CFI: variants seen among roughly 807,000 people sequenced by gnomAD.
The protein encoded by CFI is C3B/C4B inactivator.
In CFI, 66 loss-of-function variants were observed where a neutral mutation model predicts 78.8. The ratio of observed to expected loss-of-function variants is 0.84; its 90% CI spans 0.69 to 1.03. The LOEUF is 1.03. Among genes scored for constraint, CFI ranks in the 50% least tolerant of loss-of-function variants. The probability of loss-of-function intolerance (pLI) is 0.00; values close to 1 mark genes in which losing one functional copy is unlikely to be tolerated. For missense variants in CFI, 706 were observed against 704.5 expected (o/e 1.00, Z -0.02); for synonymous variants, 250 against 232.6 (o/e 1.07, Z -0.68).
At chr4:109,787,695 G>A (rs1216424806) in intron 1 of CFI, among the ~76,000 whole-genome samples, 1 of 151,824 alleles carries the variant, frequency 6.6e-6, no homozygotes, top group Non-Finnish European at 1.5e-5. Context: ...GGTCAGGTAG[G>A]ATGGCTTCTT....
At chr4:109,766,387 G>A (rs1197572719) in intron 2 of CFI, among the ~76,000 whole-genome samples, 167 bp downstream of exon 2, 1 of 152,276 alleles carries the variant, frequency 6.6e-6, no homozygotes, top group East Asian at 1.9e-4. Flanking sequence ...CTGGATTCTG[G>A]CAACCCCTGA....
intron 1 of CFI, among the ~76,000 whole-genome samples, chr4:109,768,441 G>A (rs1391088156): frequency 2.0e-5 from 3 of 151,472 alleles, no homozygotes; most frequent in African/African-American, 4.9e-5. Context: ...CTCCTGAAAC[G>A]TGAATTTCCT....
chr4:109,747,763 C>T (rs1162846657), intron 10 of CFI, among the ~76,000 whole-genome samples: 1 of 152,096 alleles, frequency 6.6e-6, no homozygotes, highest in Non-Finnish European at 1.5e-5. Flanking sequence ...TTGTGGAAGA[C>T]AATTTTTCCA....
Position 109,760,552 on chromosome 4 carries a change from C to T in CFI, c.743G>A (p.Gly248Glu). The change falls in exon 5 of 13, where the codon GGA becomes GAA. Residue 248 changes from glycine (G) to glutamate (E), a missense_variant. Coordinates refer to ENST00000394634, the MANE Select transcript of CFI (RefSeq NM_000204.5). ...MKACDGINDCGDQSDELCCKA... is the reference protein window; with the variant it reads ...MKACDGINDCEDQSDELCCKA... Reference sequence around the variant, plus strand: ...ACAACACAGTTCATCACTTTGGTCTCCACAATCATTGATACCATCACAGGC... The same window carrying T: ...ACAACACAGTTCATCACTTTGGTCTTCACAATCATTGATACCATCACAGGC... The T allele has an allele frequency of 6.2e-7, 1 of 1,606,224 alleles. No homozygotes were observed. The highest frequency in any genetic ancestry group is 8.5e-7 in the Non-Finnish European group (1 of 1,172,894).
intron 1 of CFI, among the ~76,000 whole-genome samples, chr4:109,800,709 G>A (rs985057148): frequency 6.6e-6 from 1 of 151,944 alleles, no homozygotes; most frequent in African/African-American, 2.4e-5. Context: ...TACATACACT[G>A]TAAGATCTTT....
intron 6 of CFI, 60 bp from the exon 7 acceptor site, chr4:109,757,843 A>C: frequency 7.4e-7 from 1 of 1,352,316 alleles, no homozygotes; most frequent in South Asian, 1.3e-5. Context: ...AATGCACACT[A>C]TAGCAATATA....
intron 1 of CFI, among the ~76,000 whole-genome samples, chr4:109,794,658 T>A (rs1302297283): frequency 6.6e-6 from 1 of 152,066 alleles, no homozygotes; most frequent in Non-Finnish European, 1.5e-5. Flanking sequence ...CTGGGTGTGG[T>A]GGTGGGCACC....
intron 10 of CFI, among the ~76,000 whole-genome samples, chr4:109,747,262 T>G (rs918774053): frequency 6.6e-6 from 1 of 152,164 alleles, no homozygotes; most frequent in Non-Finnish European, 1.5e-5. Context: ...CATAGCTCAC[T>G]GCAGCCTTGA....
At chr4:109,766,388 C>T (rs1354250141) in intron 2 of CFI, among the ~76,000 whole-genome samples, 166 bp downstream of exon 2, 1 of 152,158 alleles carries the variant, frequency 6.6e-6, no homozygotes, top group East Asian at 1.9e-4. Context: ...TGGATTCTGG[C>T]AACCCCTGAT....
chr4:109,776,192 C>T (rs188604088), intron 1 of CFI, among the ~76,000 whole-genome samples: 134 of 152,206 alleles, frequency 8.8e-4, no homozygotes, highest in Non-Finnish European at 1.1e-3. Context: ...GGAGGATGTT[C>T]GAACCCATCG....
At chr4:109,749,407 G>T in intron 9 of CFI, 86 bp from the exon 10 acceptor site, 1 of 1,485,230 alleles carries the variant, frequency 6.7e-7, no homozygotes, top group Non-Finnish European at 9.4e-7. Flanking sequence ...AAGACTCCCA[G>T]TCTCTTATAA....
rs1360382612 is a variant in CFI, at chr4:109,761,516, C to A, written c.658+1G>T. 1 of 1,614,032 alleles carries A rather than the reference C, an allele frequency of 6.2e-7. No individual in the cohort carries two copies. The highest frequency in any genetic ancestry group is 1.7e-5 in the Admixed American group (1 of 60,032). ...AAATAACAGGCAAATACTCCACCAA[C>A]CTGCTTTCTGTGTATAACAAACCAC... On this transcript the variant is annotated splice_donor_variant, in intron 4 of 12. Coordinates refer to ENST00000394634, the MANE Select transcript of CFI (RefSeq NM_000204.5). LOFTEE classifies it high-confidence loss of function.
chr4:109,756,388 GAAGAAGAAGGAGAA>G (rs1222949700), intron 7 of CFI, among the ~76,000 whole-genome samples: 3 of 27,256 alleles, frequency 1.1e-4, no homozygotes, highest in Non-Finnish European at 5.9e-4. Flanking sequence ...GGAAGAGATG[GAAGAAGAAGGAGAA>G]AAGAAGAAGA....
intron 1 of CFI, among the ~76,000 whole-genome samples, chr4:109,792,053 TA>T (rs1731449033): frequency 6.6e-6 from 1 of 152,216 alleles, no homozygotes; most frequent in South Asian, 2.1e-4. Context: ...TCAATATTTG[TA>T]AAATTTATTA....
At chr4:109,751,438 C>CTT (rs66497003) in intron 8 of CFI, among the ~76,000 whole-genome samples, 2,045 of 100,320 alleles carry the variant, frequency 0.02, 199 homozygotes, top group East Asian at 0.15. Context: ...AGAGCTAAAT[C>CTT]TTTTTTTTTT....
intron 8 of CFI, among the ~76,000 whole-genome samples, chr4:109,751,442 T>G (rs891004276): frequency 4.3e-5 from 6 of 140,840 alleles, no homozygotes; most frequent in African/African-American, 1.6e-4. Flanking sequence ...CTAAATCTTT[T>G]TTTTTTTTTT....
intron 7 of CFI, among the ~76,000 whole-genome samples, chr4:109,754,812 GA>G (rs1725925846): frequency 2.0e-5 from 3 of 152,296 alleles, no homozygotes; most frequent in African/African-American, 7.2e-5. Flanking sequence ...CCCAACAAAG[GA>G]AGATGAGAAA....
intron 1 of CFI, among the ~76,000 whole-genome samples, chr4:109,785,405 T>C (rs553241842): frequency 6.6e-6 from 1 of 152,296 alleles, no homozygotes; most frequent in South Asian, 2.1e-4. Context: ...TTGTTTGTTT[T>C]AAGATGCATT....
At chr4:109,778,828 T>C (rs1043692156) in intron 1 of CFI, among the ~76,000 whole-genome samples, 1 of 152,186 alleles carries the variant, frequency 6.6e-6, no homozygotes, top group African/African-American at 2.4e-5. Context: ...TGGTTTAACA[T>C]ATGCAAATCA....
Sources: gnomAD v4.1 joint callset for allele counts (sites outside exome capture counted in the v4.1 genomes callset) on GRCh38, gnomAD v4.1.1 for gene constraint, MANE v1.5 for transcripts, NCBI Gene and HGNC (gene_info 2026-07-23, HGNC 2026-07-21) for gene names.